The following MPP7 variants were observed in gnomAD, a reference collection of about 807,000 sequenced individuals.
The protein encoded by MPP7 is MAGUK p55 scaffold protein 7.
Under a neutral mutation model 76.5 loss-of-function variants are expected in MPP7, and 60 were observed. That is an observed-to-expected ratio of 0.78 (90% CI 0.64 to 0.97). The LOEUF (loss-of-function observed/expected upper bound fraction) is 0.97, where lower values mean the gene tolerates loss of function less well. Among genes scored for constraint, MPP7 ranks in the 50% least tolerant of loss-of-function variants. MPP7 has a pLI of 0.00. For synonymous variants in MPP7, 237 were observed against 244.5 expected, an observed-to-expected ratio of 0.97 and a Z score of 0.29; for missense variants, 641 against 694.0, an observed-to-expected ratio of 0.92 and a Z score of 0.86.
At chr10:28,266,063 G>A (rs1006222652) in intron 1 of MPP7, among the ~76,000 whole-genome samples, 14 of 152,014 alleles carry the variant, frequency 9.2e-5, no homozygotes, top group Non-Finnish European at 1.3e-4. Flanking sequence ...GAGTTCAAGC[G>A]ATTCTCCTGC....
chr10:28,188,100 G>T (rs917839156), intron 3 of MPP7, among the ~76,000 whole-genome samples: 1 of 152,066 alleles, frequency 6.6e-6, no homozygotes, highest in African/African-American at 2.4e-5. Context: ...TTTTCCCTTT[G>T]AGAATTCAAC....
At chr10:28,199,961 T>C (rs1189470605) in intron 3 of MPP7, among the ~76,000 whole-genome samples, 1 of 152,054 alleles carries the variant, frequency 6.6e-6, no homozygotes, top group Non-Finnish European at 1.5e-5. Context: ...AAGTTTTGTG[T>C]TCACTCAGTT....
chr10:28,089,902 A>G, intron 11 of MPP7, 61 bp from the exon 12 acceptor site: 2 of 888,558 alleles, frequency 2.3e-6, no homozygotes, highest in Non-Finnish European at 3.4e-6. Context: ...ACCCTCAAAA[A>G]AAAAAAACCC....
intron 1 of MPP7, among the ~76,000 whole-genome samples, chr10:28,282,750 G>A (rs1840707114): frequency 1.3e-5 from 2 of 151,826 alleles, no homozygotes; most frequent in South Asian, 2.1e-4. Context: ...TACACTGTTC[G>A]GATCTGTGTT....
At chr10:28,323,201 C>T (rs145575114) in intron 2 of MPP7, among the ~76,000 whole-genome samples, 9 of 152,190 alleles carry the variant, frequency 5.9e-5, no homozygotes, top group African/African-American at 2.2e-4. Flanking sequence ...AGGAGAATGG[C>T]ATGAACCTTG....
In MPP7 at chr10:28,284,059, C is replaced by T. The variant is rs551620997; in HGVS notation, c.-132+18802G>A. Among the ~76,000 whole-genome samples, 22 of 152,208 alleles carry T rather than the reference C, an allele frequency of 1.4e-4. 1 individual carries two copies. In the South Asian group the frequency reaches 4.6e-3, roughly 32 times the overall value. ...TAAGTGTAAGACACTGAACTGAAAA[C>T]AACTGAAATCATTTATTAAGTGTAA... On this transcript the variant is annotated intron_variant, in intron 1 of 16. Transcript: ENST00000683449.
intron 2 of MPP7, among the ~76,000 whole-genome samples, chr10:28,213,262 G>A (rs1417284578): frequency 2.0e-5 from 3 of 152,032 alleles, no homozygotes; most frequent in Non-Finnish European, 2.9e-5. Context: ...AGTTTTAGCT[G>A]GAGCTGTCAT....
At chr10:28,283,660 G>T (rs1475068598) in intron 1 of MPP7, among the ~76,000 whole-genome samples, 1 of 151,806 alleles carries the variant, frequency 6.6e-6, no homozygotes, top group Non-Finnish European at 1.5e-5. Flanking sequence ...GATTACAGGC[G>T]CCCGCCACCA....
intron 3 of MPP7, among the ~76,000 whole-genome samples, chr10:28,159,026 A>G (rs1416004114): frequency 6.6e-6 from 1 of 152,136 alleles, no homozygotes; most frequent in Admixed American, 6.5e-5. Context: ...CCTGGCTGAC[A>G]CTAGGGACAG....
chr10:28,271,051 A>C (rs1454042146), intron 1 of MPP7, among the ~76,000 whole-genome samples: 1 of 152,172 alleles, frequency 6.6e-6, no homozygotes, highest in Non-Finnish European at 1.5e-5. Context: ...GTGTGTTTTA[A>C]TTTTTTTAAG....
At chr10:28,096,218 T>C (rs147699779) in intron 11 of MPP7, among the ~76,000 whole-genome samples, 1 of 152,326 alleles carries the variant, frequency 6.6e-6, no homozygotes, top group African/African-American at 2.4e-5. Context: ...TGCTAGAAAC[T>C]AGACAGATCC....
At chr10:28,061,453 A>G (rs1322259147) in intron 13 of MPP7, among the ~76,000 whole-genome samples, 3 of 152,054 alleles carry the variant, frequency 2.0e-5, no homozygotes, top group Non-Finnish European at 4.4e-5. Context: ...CAGAAAGAAA[A>G]GCCAGTGAAC....
intron 2 of MPP7, among the ~76,000 whole-genome samples, chr10:28,221,768 A>C (rs1838516181): frequency 6.6e-6 from 1 of 152,158 alleles, no homozygotes; most frequent in Non-Finnish European, 1.5e-5. Flanking sequence ...AAACATGTTC[A>C]CTGGAGCTCC....
chr10:28,332,969 G>T (rs993662446), intron 1 of MPP7, among the ~76,000 whole-genome samples: 3 of 151,498 alleles, frequency 2.0e-5, no homozygotes, highest in Non-Finnish European at 2.9e-5. Context: ...GGCCCTATTT[G>T]CTTTGTACAG....
At chr10:28,185,926 A>T (rs1004273349) in intron 3 of MPP7, among the ~76,000 whole-genome samples, 1 of 152,196 alleles carries the variant, frequency 6.6e-6, no homozygotes, top group African/African-American at 2.4e-5. Context: ...AACCACAAGA[A>T]GTGTGAACTA....
chr10:28,053,861 G>A lies in MPP7; in HGVS notation c.*204C>T. The A allele has an allele frequency of 3.4e-6, 2 of 593,958 alleles. No homozygotes were observed. The highest frequency in any genetic ancestry group is 3.0e-6 in the Non-Finnish European group (1 of 337,916). 36.8% of individuals were successfully genotyped at this position (593,958 alleles called of 1,614,324 possible). A position where few individuals can be genotyped will look rare whatever the true frequency, so the allele number is the denominator to read the frequency against. ...GAGGTTTTGCTTAGAATACAGTACT[G>A]TGCATATTTTGATTTCGGATCTTAT... is the stretch of plus-strand genomic sequence containing the variant. On this transcript the variant is annotated 3_prime_UTR_variant, in exon 17 of 17. Transcript: ENST00000683449.
rs551805555 is a variant in MPP7, at chr10:28,172,339, C to T, written c.157-22280G>A. Among the ~76,000 whole-genome samples the T allele has an allele frequency of 2.0e-5, 3 of 152,204 alleles. No homozygotes were observed. The South Asian group carries it at 6.2e-4, about 32-fold the overall frequency. ...GGTACGAAAAAATCTTAAAAACAGT[C>T]AGACACTATTCAATCCTCTCCCACT... is the stretch of plus-strand genomic sequence containing the variant. On this transcript the variant is annotated intron_variant, in intron 3 of 16. Coordinates refer to ENST00000683449, the MANE Select transcript of MPP7 (RefSeq NM_001318170.2).
rs1448742383 is a variant in MPP7, at chr10:28,091,723, T to C, written c.953-1882A>G. Among the ~76,000 whole-genome samples, 7 of 152,362 alleles carry C rather than the reference T, an allele frequency of 4.6e-5. No individual in the cohort carries two copies. In the East Asian group the frequency reaches 1.3e-3, roughly 29 times the overall value. ...CCATCCATGTGGATTTAACCAATTA[T>C]GGACTGAAATTTTTTAACTGTATCT... On this transcript the variant is annotated intron_variant, in intron 11 of 16. Coordinates refer to ENST00000683449, the MANE Select transcript of MPP7 (RefSeq NM_001318170.2).
intron 12 of MPP7, among the ~76,000 whole-genome samples, chr10:28,070,255 C>A (rs2133366440): frequency 6.6e-6 from 1 of 152,138 alleles, no homozygotes; most frequent in Middle Eastern, 3.4e-3. Flanking sequence ...AAAAATTAGC[C>A]AGGCATGGTG....
Sources: allele counts gnomAD v4.1 joint callset (sites outside exome capture counted in the v4.1 genomes callset), GRCh38; gene constraint gnomAD v4.1.1; transcripts MANE v1.5; gene names NCBI Gene and HGNC (gene_info 2026-07-23, HGNC 2026-07-21).